The following CERS6 variants were observed in gnomAD, a reference collection of about 807,000 sequenced individuals.
CERS6 encodes LAG1 homolog, ceramide synthase 6.
CERS6 carries 26 observed loss-of-function variants against 56.8 expected under a neutral mutation model. The ratio of observed to expected loss-of-function variants is 0.46; its 90% CI spans 0.34 to 0.63. CERS6 has a LOEUF of 0.63. CERS6 is among the 30% of genes least tolerant of loss of function. CERS6 has a pLI of 0.01. For missense variants in CERS6, 415 were observed against 467.5 expected, an observed-to-expected ratio of 0.89 and a Z score of 1.04; for synonymous variants, 164 against 173.3, an observed-to-expected ratio of 0.95 and a Z score of 0.42.
At chr2:168,726,254 C>T (rs1683347592) in intron 8 of CERS6, among the ~76,000 whole-genome samples, 1 of 152,180 alleles carries the variant, frequency 6.6e-6, no homozygotes, top group Non-Finnish European at 1.5e-5. Context: ...ATTCACCGGG[C>T]TCTCTGGACT....
chr2:168,640,967 G>A (rs1685020345), intron 4 of CERS6, among the ~76,000 whole-genome samples: 1 of 152,098 alleles, frequency 6.6e-6, no homozygotes, highest in Non-Finnish European at 1.5e-5. Context: ...CCAGAGTGGT[G>A]ACTGAGTGGA....
intron 4 of CERS6, among the ~76,000 whole-genome samples, chr2:168,642,073 T>C (rs1392176512): frequency 2.0e-5 from 3 of 151,360 alleles, no homozygotes; most frequent in Non-Finnish European, 4.4e-5. Flanking sequence ...GAATTAGCAG[T>C]AAAAATGATC....
At chr2:168,502,221 T>A (rs933964822) in intron 1 of CERS6, among the ~76,000 whole-genome samples, 2 of 152,078 alleles carry the variant, frequency 1.3e-5, no homozygotes, top group Non-Finnish European at 2.9e-5. Context: ...GAGTGCTGGC[T>A]AAAATTGGAT....
chr2:168,708,457 TTTTG>T lies in CERS6; in HGVS notation c.610-6532_610-6529del, dbSNP rs143765824. Among the ~76,000 whole-genome samples, 64 of 152,236 alleles carry T rather than the reference TTTTG, an allele frequency of 4.2e-4. 1 individual carries two copies. In the East Asian group the frequency reaches 0.011, roughly 26 times the overall value. ...TGAAATTTCAAATAAGAGTACTGTT[TTTTG>T]TTTGTTTGTTTTTTAATGAGGGGTT... On this transcript the variant is annotated intron_variant, in intron 6 of 9. Coordinates refer to ENST00000305747, the MANE Select transcript of CERS6 (RefSeq NM_203463.3).
intron 3 of CERS6, among the ~76,000 whole-genome samples, chr2:168,585,159 G>A (rs1161444162): frequency 6.6e-6 from 1 of 152,200 alleles, no homozygotes; most frequent in Admixed American, 6.5e-5. Context: ...GATTCTCTGG[G>A]GCCCAGCCAT....
At position 168,649,385 on chromosome 2, in the gene CERS6, G is replaced by A. The variant is rs115786549; in HGVS notation, c.465+18343G>A. Reference sequence around the variant, plus strand: ...CCTGGTAAAAATACTCCATCTCAGCGTGAAGTCAACCCCTAAAAAACAAAC... The same window carrying A: ...CCTGGTAAAAATACTCCATCTCAGCATGAAGTCAACCCCTAAAAAACAAAC... On this transcript the variant is annotated intron_variant, in intron 4 of 9. Transcript: ENST00000305747. Among the ~76,000 whole-genome samples the A allele has an allele frequency of 2.1e-3, 324 of 152,198 alleles. 2 individuals are homozygous for A. The highest frequency in any genetic ancestry group is 7.3e-3 in the African/African-American group (305 of 41,524).
intron 6 of CERS6, among the ~76,000 whole-genome samples, chr2:168,700,914 A>G (rs775632552): frequency 2.6e-5 from 4 of 152,174 alleles, no homozygotes; most frequent in Non-Finnish European, 5.9e-5. Context: ...CTTCACCCTC[A>G]GGCACACCAG....
At chr2:168,612,204 T>C (rs1684205534) in intron 3 of CERS6, among the ~76,000 whole-genome samples, 5 of 152,174 alleles carry the variant, frequency 3.3e-5, no homozygotes, top group Admixed American at 3.3e-4. Context: ...TCAAACAGAC[T>C]GTGTGAAATT....
rs1177370366 is a variant in CERS6 at position 168,609,143 on chromosome 2, TG to T, written c.408-21840del. On this transcript the variant is annotated intron_variant, in intron 3 of 9. Coordinates refer to ENST00000305747, the MANE Select transcript of CERS6 (RefSeq NM_203463.3). ...ATCAGTAGGGAGAGGTTATCTTGGA[TG>T]GTTGGTTCTATCTCAAGCCTAGCCT... Among the ~76,000 whole-genome samples, 4 of 152,170 alleles carry T rather than the reference TG, an allele frequency of 2.6e-5. No homozygotes were observed. The East Asian group carries it at 7.7e-4, about 29-fold the overall frequency.
At chr2:168,541,582 A>G (rs965362523) in intron 1 of CERS6, among the ~76,000 whole-genome samples, 2 of 151,172 alleles carry the variant, frequency 1.3e-5, no homozygotes, top group African/African-American at 2.4e-5. Context: ...TCATCAACCT[A>G]TTAGATTATG....
intron 9 of CERS6, among the ~76,000 whole-genome samples, chr2:168,768,192 G>C (rs960072198): frequency 1.3e-5 from 2 of 151,888 alleles, no homozygotes; most frequent in Non-Finnish European, 2.9e-5. Context: ...GAGGATTGAA[G>C]AGACTTGGCA....
At chr2:168,644,401 A>G in intron 4 of CERS6, 1 of 973,802 alleles carries the variant, frequency 1.0e-6, no homozygotes, top group Non-Finnish European at 1.2e-6. Context: ...ATGAGAGGCA[A>G]GTGAGGCAGA....
intron 4 of CERS6, among the ~76,000 whole-genome samples, chr2:168,669,519 A>G (rs555949997): frequency 6.6e-6 from 1 of 152,300 alleles, no homozygotes; most frequent in South Asian, 2.1e-4. Context: ...TGGTGTAGGC[A>G]ATTAGAGGAG....
chr2:168,614,461 T>C (rs931446203), intron 3 of CERS6, among the ~76,000 whole-genome samples: 1 of 152,204 alleles, frequency 6.6e-6, no homozygotes, highest in Non-Finnish European at 1.5e-5. Context: ...GCTGGGAGGC[T>C]GGTAGCCTGG....
chr2:168,481,536 T>A (rs1558965834), intron 1 of CERS6, among the ~76,000 whole-genome samples: 1 of 152,188 alleles, frequency 6.6e-6, no homozygotes, highest in African/African-American at 2.4e-5. Flanking sequence ...TGCAGCTGAT[T>A]GGGGCTTCTA....
At chr2:168,691,916 T>C (rs1184808566) in intron 5 of CERS6, among the ~76,000 whole-genome samples, 1 of 152,166 alleles carries the variant, frequency 6.6e-6, no homozygotes, top group African/African-American at 2.4e-5. Context: ...GGGGTTTCTT[T>C]GGGTTGTCTG....
intron 1 of CERS6, among the ~76,000 whole-genome samples, chr2:168,485,167 C>CT (rs530485337): frequency 0.032 from 4,374 of 137,286 alleles, 128 homozygotes; most frequent in African/African-American, 0.084. Flanking sequence ...CACTGCCTTG[C>CT]TTTTTTTTTT....
Position 168,651,114 on chromosome 2 carries a change from T to C in CERS6, c.465+20072T>C, listed in dbSNP as rs187046092. On this transcript the variant is annotated intron_variant, in intron 4 of 9. Transcript: ENST00000305747. The stretch of plus-strand genomic sequence containing the variant: ...TGCTGAAATTTTTCTTAAATGGTGA[T>C]AATTAGATTTTCTAACTTTTTATAT... 7.3e-4 allele frequency among the ~76,000 whole-genome samples: 111 copies of C among 152,318 alleles called. 1 individual carries two copies. Among genetic ancestry groups the C allele is most frequent in the African/African-American group, 2.6e-3 (107 of 41,568 alleles).
chr2:168,456,596 A>G lies in CERS6; in HGVS notation c.148A>G (p.Met50Val). The G allele has an allele frequency of 1.2e-6, 2 of 1,613,682 alleles. No homozygotes were observed. The highest frequency in any genetic ancestry group is 1.3e-5 in the African/African-American group (1 of 75,018). ...TTTTCCCCTGGCCTTCTGTATCTTC[A>G]TGGTGCGGCTCATCTTCGAGAGGTA... ...LAFPLAFCIF[M>V]VRLIFERFVA... Residue 50 changes from methionine (M) to valine (V), a missense_variant, in exon 1 of 10, where the codon ATG becomes GTG. Physicochemically the swap from Met to Val is conservative, Grantham distance 21. Transcript: ENST00000305747. This position sits in a 1 kb window ranked among gnomAD's most constrained non-coding sequence, Gnocchi z 4.1.
Sources: gnomAD v4.1 joint callset for allele counts (sites outside exome capture counted in the v4.1 genomes callset) on GRCh38, gnomAD v4.1.1 for gene constraint, Gnocchi (gnomAD v3.1) non-coding constraint, MANE v1.5 for transcripts, NCBI Gene and HGNC (gene_info 2026-07-23, HGNC 2026-07-21) for gene names.